Variants in ENOX1 observed in about 807,000 individuals in gnomAD.
ENOX1 encodes the protein ecto-NOX disulfide-thiol exchanger 1, also known as candidate growth-related and time keeping constitutive hydroquinone (NADH) oxidase.
In ENOX1, 42 loss-of-function variants were observed where a neutral mutation model predicts 82.5. The observed-to-expected ratio is 0.51, with a 90% confidence interval of 0.40 to 0.66. The LOEUF is 0.66. Among genes scored for constraint, ENOX1 ranks in the 30% least tolerant of loss-of-function variants. The pLI is 0.00. For synonymous variants in ENOX1, 271 were observed against 282.2 expected (o/e 0.96, Z 0.40); for missense variants, 608 against 811.6 (o/e 0.75, Z 3.05).
At chr13:43,504,616 T>C (rs759073497) in intron 2 of ENOX1, among the ~76,000 whole-genome samples, 9 of 151,354 alleles carry the variant, frequency 5.9e-5, no homozygotes, top group Non-Finnish European at 1.2e-4. Context: ...TCTAAAATAA[T>C]CAAACTCATA....
chr13:43,704,770 G>A (rs8000932), intron 1 of ENOX1, among the ~76,000 whole-genome samples: 12,198 of 152,158 alleles, frequency 0.08, 732 homozygotes, highest in African/African-American at 0.16. Context: ...AATGGAAGGC[G>A]GAAAGAACCA....
chr13:43,518,484 T>C (rs1187917793), intron 2 of ENOX1, among the ~76,000 whole-genome samples: 1 of 152,078 alleles, frequency 6.6e-6, no homozygotes, highest in Non-Finnish European at 1.5e-5. Flanking sequence ...GGCAGATGCG[T>C]TGATGTTCTA....
chr13:43,508,613 G>GT, intron 2 of ENOX1, among the ~76,000 whole-genome samples: 1 of 152,074 alleles, frequency 6.6e-6, no homozygotes, highest in Non-Finnish European at 1.5e-5. Context: ...ATATTTAGAG[G>GT]TTTTACTCTC....
Position 43,227,694 on chromosome 13 carries a change from G to A in ENOX1, c.1715-3556C>T, listed in dbSNP as rs117214942. ...CTAAAATCAGATTAGAAGTCCTGAC[G>A]TGGACTTGAGTGTTCTTTTAGGAGG... On this transcript the variant is annotated intron_variant, in intron 15 of 16. Coordinates refer to ENST00000690772, the MANE Select transcript of ENOX1 (RefSeq NM_001347969.2). Among the ~76,000 whole-genome samples the A allele has an allele frequency of 7.6e-4, 116 of 152,270 alleles. 1 individual carries two copies. The East Asian group carries it at 0.016, about 22-fold the overall frequency.
intron 1 of ENOX1, among the ~76,000 whole-genome samples, chr13:43,671,708 A>C (rs1258391582): frequency 6.6e-6 from 1 of 152,148 alleles, no homozygotes; most frequent in Non-Finnish European, 1.5e-5. Context: ...AGGGACTGGA[A>C]TCCTATTTTG....
At chr13:43,314,610 G>C (rs1441175288) in intron 11 of ENOX1, among the ~76,000 whole-genome samples, 1 of 152,218 alleles carries the variant, frequency 6.6e-6, no homozygotes, top group Non-Finnish European at 1.5e-5. Context: ...ACATCACTGT[G>C]CTAAGAGGCT....
chr13:43,336,663 G>T (rs1187857906), intron 9 of ENOX1, among the ~76,000 whole-genome samples: 2 of 152,184 alleles, frequency 1.3e-5, no homozygotes, highest in Admixed American at 6.5e-5. Context: ...GAACCTCATG[G>T]TTGGGTCCTG....
rs1486680582 is a variant in ENOX1 at position 43,761,229 on chromosome 13, T to G, written c.-285+25423A>C. 2.0e-5 allele frequency among the ~76,000 whole-genome samples: 3 copies of G among 152,166 alleles called. No homozygotes were observed. The East Asian group carries it at 5.8e-4, about 29-fold the overall frequency. On this transcript the variant is annotated intron_variant, in intron 1 of 16. Coordinates refer to ENST00000690772, the MANE Select transcript of ENOX1 (RefSeq NM_001347969.2). Reference sequence around the variant, plus strand: ...GTATAGAAAAATTGAGGCAAGAGAATGCAAATTCCTCAGCACTAAAACCAG... The same window carrying G: ...GTATAGAAAAATTGAGGCAAGAGAAGGCAAATTCCTCAGCACTAAAACCAG...
At chr13:43,780,112 G>C (rs1440240334) in intron 1 of ENOX1, among the ~76,000 whole-genome samples, 1 of 150,520 alleles carries the variant, frequency 6.6e-6, no homozygotes, top group Non-Finnish European at 1.5e-5. Flanking sequence ...AGTGAGCCGA[G>C]ATGGTGCCAC....
At chr13:43,777,980 C>T (rs964648519) in intron 1 of ENOX1, among the ~76,000 whole-genome samples, 5 of 152,214 alleles carry the variant, frequency 3.3e-5, no homozygotes, top group African/African-American at 1.2e-4. Context: ...TTTCTACTGT[C>T]AGCACTCTTT....
At chr13:43,576,699 T>A (rs1393463678) in intron 2 of ENOX1, among the ~76,000 whole-genome samples, 1 of 152,248 alleles carries the variant, frequency 6.6e-6, no homozygotes, top group East Asian at 1.9e-4. Flanking sequence ...CACTAGTCTA[T>A]CGTAATTGTA....
At chr13:43,726,826 C>G (rs1052574471) in intron 1 of ENOX1, among the ~76,000 whole-genome samples, 12 of 152,158 alleles carry the variant, frequency 7.9e-5, no homozygotes, top group Non-Finnish European at 1.5e-4. Flanking sequence ...ACTGCAACCT[C>G]TGCCTCCCAG....
At chr13:43,399,045 C>T (rs1294441056) in intron 5 of ENOX1, among the ~76,000 whole-genome samples, 8 of 151,932 alleles carry the variant, frequency 5.3e-5, no homozygotes, top group African/African-American at 7.3e-5. Context: ...CCACCTGTCT[C>T]GGCCTCCCAA....
chr13:43,705,482 T>A (rs2087214628), intron 1 of ENOX1, among the ~76,000 whole-genome samples: 1 of 150,926 alleles, frequency 6.6e-6, no homozygotes, highest in Admixed American at 6.6e-5. Context: ...AAAAAAAGAA[T>A]GAAAAAAATA....
chr13:43,746,655 A>G (rs1303905146), intron 1 of ENOX1, among the ~76,000 whole-genome samples: 1 of 152,120 alleles, frequency 6.6e-6, no homozygotes, highest in Admixed American at 6.6e-5. Flanking sequence ...AGAAAAAGTA[A>G]CAGGGAATTT....
intron 5 of ENOX1, among the ~76,000 whole-genome samples, chr13:43,396,072 A>C (rs4942223): frequency 6.6e-6 from 1 of 152,068 alleles, no homozygotes; most frequent in Non-Finnish European, 1.5e-5. Context: ...GCTCTTTTCC[A>C]AAGATTGCTT....
At chr13:43,443,570 C>T (rs1385563349) in intron 3 of ENOX1, among the ~76,000 whole-genome samples, 2 of 152,138 alleles carry the variant, frequency 1.3e-5, no homozygotes, top group Non-Finnish European at 2.9e-5. Flanking sequence ...TCCACTGTCC[C>T]TCTTGTTAAG....
intron 2 of ENOX1, among the ~76,000 whole-genome samples, chr13:43,513,653 T>A (rs77064006): frequency 0.027 from 4,044 of 152,296 alleles, 84 homozygotes; most frequent in Admixed American, 0.065. Flanking sequence ...TTAGTTTTTT[T>A]ATTAATAGAT....
At chr13:43,531,085 T>G (rs921076665) in intron 2 of ENOX1, among the ~76,000 whole-genome samples, 2 of 151,900 alleles carry the variant, frequency 1.3e-5, no homozygotes, top group Admixed American at 6.6e-5. Flanking sequence ...ATACTTTTTT[T>G]TACAAGAAGT....
Sources: allele counts gnomAD v4.1 joint callset (sites outside exome capture counted in the v4.1 genomes callset), GRCh38; gene constraint gnomAD v4.1.1; transcripts MANE v1.5; gene names NCBI Gene and HGNC (gene_info 2026-07-23, HGNC 2026-07-21).